The following OSMR variants were observed in gnomAD, a reference collection of about 807,000 sequenced individuals.
OSMR encodes oncostatin M receptor, also known as oncostatin-M-specific receptor subunit beta.
In OSMR, 81 loss-of-function variants were observed where a neutral mutation model predicts 99.9. The ratio of observed to expected loss-of-function variants is 0.81; its 90% CI spans 0.68 to 0.97. The LOEUF (loss-of-function observed/expected upper bound fraction) is 0.97. Among genes scored for constraint, OSMR ranks in the 50% least tolerant of loss-of-function variants. OSMR has a pLI of 0.00. For synonymous variants in OSMR, 406 were observed against 410.4 expected, an observed-to-expected ratio of 0.99 and a Z score of 0.13; for missense variants, 1,099 against 1,153.4, an observed-to-expected ratio of 0.95 and a Z score of 0.68.
intron 2 of OSMR, among the ~76,000 whole-genome samples, chr5:38,869,830 C>G (rs1471286350): frequency 6.6e-6 from 1 of 151,938 alleles, no homozygotes; most frequent in Non-Finnish European, 1.5e-5. Flanking sequence ...TTTTTTGTAT[C>G]TTTCATCTGT....
At chr5:38,903,438 C>T (rs1488426059) in intron 7 of OSMR, among the ~76,000 whole-genome samples, 3 of 152,232 alleles carry the variant, frequency 2.0e-5, no homozygotes, top group Non-Finnish European at 2.9e-5. Context: ...CTAGGGAGGA[C>T]TGGAACAGAG....
At chr5:38,886,547 T>C (rs1743787761) in intron 7 of OSMR, 2 of 209,278 alleles carry the variant, frequency 9.6e-6, no homozygotes, top group African/African-American at 4.6e-5. Flanking sequence ...TATGTGATGG[T>C]AAAAATGCCT....
chr5:38,911,432 G>A (rs907354435), intron 9 of OSMR, among the ~76,000 whole-genome samples: 1 of 152,072 alleles, frequency 6.6e-6, no homozygotes, highest in Non-Finnish European at 1.5e-5. Flanking sequence ...AAAAGCCTAG[G>A]AACCAGAGAA....
chr5:38,885,594 T>G, intron 6 of OSMR, 110 bp downstream of exon 6: 1 of 1,404,366 alleles, frequency 7.1e-7, no homozygotes, highest in East Asian at 2.3e-5. Flanking sequence ...AACAAATATT[T>G]CAGAACCACC....
chr5:38,944,486 T>A, intron 2 of OSMR: 2 of 1,612,004 alleles, frequency 1.2e-6, no homozygotes, highest in Non-Finnish European at 1.7e-6. Flanking sequence ...GAAACTGAAC[T>A]ACTCAAATTA....
At chr5:38,938,296 A>C, downstream of OSMR, 1 of 227,176 alleles carries the variant, frequency 4.4e-6, no homozygotes, top group Non-Finnish European at 8.8e-6. Context: ...TTTTTTTCAC[A>C]ATTCCTTACC....
rs768686060 is a variant in OSMR at position 38,925,278 on chromosome 5, G to T, written c.2119G>T (p.Glu707Ter). Residue 707 changes from glutamate (E) to a stop codon, truncating the protein, a stop_gained, in exon 15 of 18, where the codon GAA (glutamate) becomes TAA (stop). Coordinates refer to ENST00000274276, the MANE Select transcript of OSMR (RefSeq NM_003999.3). LOFTEE classifies it high-confidence loss of function. ...ATTGATTGTGGACAACCTAAAGCCA[G>T]AATCCTTCTATGAGTTTTTCATCAC... ...KALIVDNLKP[E>*]SFYEFFITPF... is the part of the protein sequence containing the mutation. The T allele has an allele frequency of 6.2e-7, 1 of 1,614,022 alleles. No individual in the cohort carries two copies.
At chr5:38,915,589 G>A (rs1418997853) in intron 9 of OSMR, among the ~76,000 whole-genome samples, 1 of 152,018 alleles carries the variant, frequency 6.6e-6, no homozygotes, top group East Asian at 1.9e-4. Context: ...ATTGATTTTT[G>A]TTATCACAAA....
chr5:38,906,365 T>G (rs1003392726), intron 9 of OSMR, among the ~76,000 whole-genome samples: 1 of 152,160 alleles, frequency 6.6e-6, no homozygotes, highest in Non-Finnish European at 1.5e-5. Context: ...TTACTTCTGA[T>G]CACGCTTTGC....
Position 38,932,552 on chromosome 5 carries a change from T to G in OSMR, c.2367+17T>G. The G allele has an allele frequency of 1.9e-6, 3 of 1,604,670 alleles. No homozygotes were observed. Among genetic ancestry groups the G allele is most frequent in the Non-Finnish European group, 2.6e-6 (3 of 1,171,420 alleles). On this transcript the variant is annotated intron_variant, in intron 17 of 17. Transcript: ENST00000274276. Reference sequence around the variant, plus strand: ...AAATTCAAGGTAAATGTTGGCAAATTGTATGTATACCATATACCTATTAAG... The same window carrying G: ...AAATTCAAGGTAAATGTTGGCAAATGGTATGTATACCATATACCTATTAAG...
intron 15 of OSMR, 176 bp from the exon 16 acceptor site, chr5:38,931,707 C>T (rs1215426848): frequency 1.1e-6 from 1 of 921,486 alleles, no homozygotes; most frequent in Admixed American, 6.2e-5. Context: ...TGTTGGTTGG[C>T]TAGTTGGTTG....
At chr5:38,859,056 C>T (rs1004183751) in intron 1 of OSMR, among the ~76,000 whole-genome samples, 1 of 152,174 alleles carries the variant, frequency 6.6e-6, no homozygotes, top group Admixed American at 6.5e-5. Flanking sequence ...CGGGTTTTCT[C>T]TTCACTCCGT....
intron 2 of OSMR, among the ~76,000 whole-genome samples, chr5:38,872,111 C>G (rs904084096): frequency 6.6e-6 from 1 of 152,152 alleles, no homozygotes; most frequent in African/African-American, 2.4e-5. Flanking sequence ...TCAATTTCCT[C>G]GTCTGAAAAA....
chr5:38,943,949 T>C (rs1747891225), intron 1 of OSMR, among the ~76,000 whole-genome samples: 1 of 152,288 alleles, frequency 6.6e-6, no homozygotes, highest in South Asian at 2.1e-4. Context: ...TAAGCCCACT[T>C]TCCTCAAACT....
At chr5:38,927,670 G>T (rs1387246342) in intron 15 of OSMR, among the ~76,000 whole-genome samples, 1 of 152,170 alleles carries the variant, frequency 6.6e-6, no homozygotes, top group African/African-American at 2.4e-5. Flanking sequence ...TGGCCATGAA[G>T]ACCTCTGACA....
chr5:38,868,923 G>T, intron 1 of OSMR, 109 bp from the exon 2 acceptor site: 1 of 1,267,294 alleles, frequency 7.9e-7, no homozygotes, highest in Non-Finnish European at 1.1e-6. Flanking sequence ...TACAGGGAAG[G>T]GAGAAGTATG....
At chr5:38,856,303 G>A (rs1740834406) in intron 1 of OSMR, among the ~76,000 whole-genome samples, 2 of 152,186 alleles carry the variant, frequency 1.3e-5, no homozygotes, top group South Asian at 4.1e-4. Flanking sequence ...TCTGCCAGGT[G>A]TTGATTCCTG....
chr5:38,881,568 C>T (rs927108711), intron 3 of OSMR, 25 bp from the exon 4 acceptor site: 1 of 1,614,086 alleles, frequency 6.2e-7, no homozygotes, highest in Admixed American at 1.7e-5. Context: ...CTATGTGTCT[C>T]CAATTGTTTT....
rs765680745 is a variant in OSMR at position 38,933,108 on chromosome 5, T to C, written c.2604T>C (p.Ser868=). The C allele has an allele frequency of 6.2e-7, 1 of 1,614,224 alleles. No individual in the cohort carries two copies. Among genetic ancestry groups the C allele is most frequent in the Non-Finnish European group, 8.5e-7 (1 of 1,180,034 alleles). Residue 868 remains serine, a synonymous_variant, in exon 18 of 18, where the codon TCT becomes TCC. Coordinates refer to ENST00000274276, the MANE Select transcript of OSMR (RefSeq NM_003999.3). ...CCTATAACCAGGCAGCTTCTGACTC[T>C]GGCTCTTGTGGCCATGTTCCAGTAT... The part of the protein sequence containing the change: ...NLTYNQAASD[S]GSCGHVPVSP...
Sources: gnomAD v4.1 joint callset for allele counts (sites outside exome capture counted in the v4.1 genomes callset) on GRCh38, gnomAD v4.1.1 for gene constraint, MANE v1.5 for transcripts, NCBI Gene and HGNC (gene_info 2026-07-23, HGNC 2026-07-21) for gene names.